Variants in TECTA observed in about 807,000 individuals in gnomAD.
The protein encoded by TECTA is alpha-tectorin.
In TECTA, 128 loss-of-function variants were observed where a neutral mutation model predicts 216.8. The ratio of observed to expected loss-of-function variants is 0.59; its 90% CI spans 0.51 to 0.68. TECTA has a LOEUF of 0.68. Among genes scored for constraint, TECTA ranks in the 30% least tolerant of loss-of-function variants. TECTA has a pLI of 0.00. For synonymous variants in TECTA, 1,089 were observed against 1,117.1 expected (o/e 0.97, Z 0.50); for missense variants, 2,551 against 2,786.2 (o/e 0.92, Z 1.90).
At chr11:121,124,840 C>G (rs1045653969) in intron 7 of TECTA, among the ~76,000 whole-genome samples, 1 of 152,118 alleles carries the variant, frequency 6.6e-6, no homozygotes, top group Admixed American at 6.5e-5. Context: ...CAGCAGTGGA[C>G]CCAGCACACA....
intron 6 of TECTA, among the ~76,000 whole-genome samples, chr11:121,114,386 A>C (rs780454815): frequency 1.2e-4 from 19 of 152,202 alleles, no homozygotes; most frequent in Non-Finnish European, 2.1e-4. Flanking sequence ...GAACCCCTTT[A>C]GATGTGCAAA....
At chr11:121,121,683 G>A (rs997188771) in intron 7 of TECTA, among the ~76,000 whole-genome samples, 11 of 152,198 alleles carry the variant, frequency 7.2e-5, no homozygotes, top group Admixed American at 4.6e-4. Context: ...GGAAACTGGC[G>A]TCCTGAGGGT....
chr11:121,186,374 TA>T (rs1391982028), intron 20 of TECTA, among the ~76,000 whole-genome samples: 6 of 152,248 alleles, frequency 3.9e-5, no homozygotes, highest in Non-Finnish European at 8.8e-5. Context: ...GTTTCATTGT[TA>T]ATAGAAGATT....
At position 121,127,745 on chromosome 11, in the gene TECTA, G is replaced by C; in HGVS notation, c.1775-7G>C. On this transcript the variant is annotated splice_region_variant and splice_polypyrimidine_tract_variant and intron_variant, in intron 8 of 23. Coordinates refer to ENST00000392793, the MANE Select transcript of TECTA (RefSeq NM_005422.4). The surrounding 1 kb of genome is among the most constrained non-coding windows in gnomAD (Gnocchi z 5.0). ...TGTTATCGGCTCTCTTCCTTTCCCC[G>C]CGTCAGTGTCCACAGTGCAGTGCCC... 1 of 1,613,916 alleles carries C rather than the reference G, an allele frequency of 6.2e-7. No individual in the cohort carries two copies. Among genetic ancestry groups the C allele is most frequent in the Non-Finnish European group, 8.5e-7 (1 of 1,179,922 alleles).
intron 18 of TECTA, 116 bp from the exon 19 acceptor site, chr11:121,167,938 C>A: frequency 8.3e-7 from 1 of 1,210,840 alleles, no homozygotes; most frequent in Non-Finnish European, 1.2e-6. Context: ...TTATACTGGC[C>A]TCTAAATTAT....
chr11:121,143,544 G>T (rs1946804414), intron 11 of TECTA, among the ~76,000 whole-genome samples: 1 of 152,178 alleles, frequency 6.6e-6, no homozygotes, highest in African/African-American at 2.4e-5. Flanking sequence ...ACATGATATT[G>T]TTATCTGTCT....
At chr11:121,110,659 C>G (rs930588415) in intron 4 of TECTA, 4 of 152,152 alleles carry the variant, frequency 2.6e-5, no homozygotes, top group African/African-American at 9.7e-5. Context: ...GTCCTTTAAG[C>G]CTCATATCTT....
At chr11:121,184,521 A>T (rs911755401) in intron 20 of TECTA, among the ~76,000 whole-genome samples, 1 of 152,152 alleles carries the variant, frequency 6.6e-6, no homozygotes, top group African/African-American at 2.4e-5. Context: ...AGTGCTGTGG[A>T]TACTGTAAGT....
chr11:121,125,265 C>T (rs748164367), intron 7 of TECTA, 37 bp from the exon 8 acceptor site: 1 of 1,600,212 alleles, frequency 6.2e-7, no homozygotes, highest in Admixed American at 1.7e-5. Flanking sequence ...GCCTGGGCAC[C>T]TGCTCACCTG....
At chr11:121,187,107 A>G (rs1407309172) in intron 20 of TECTA, among the ~76,000 whole-genome samples, 1 of 152,208 alleles carries the variant, frequency 6.6e-6, no homozygotes, top group Non-Finnish European at 1.5e-5. Context: ...GGTGTTGGAG[A>G]AAGGGCAGGA....
chr11:121,110,922 T>C (rs961456910), intron 4 of TECTA, among the ~76,000 whole-genome samples: 2 of 152,170 alleles, frequency 1.3e-5, no homozygotes, highest in Admixed American at 1.3e-4. Context: ...AAAAAGATGA[T>C]GTAGTTCTCT....
intron 12 of TECTA, among the ~76,000 whole-genome samples, chr11:121,149,349 T>C (rs1487709784): frequency 1.3e-5 from 2 of 152,232 alleles, no homozygotes; most frequent in Non-Finnish European, 2.9e-5. Context: ...GGGTCCAAAG[T>C]CTGGTAACTA....
At chr11:121,174,107 T>C (rs1947140537) in intron 20 of TECTA, among the ~76,000 whole-genome samples, 1 of 152,190 alleles carries the variant, frequency 6.6e-6, no homozygotes, top group African/African-American at 2.4e-5. Flanking sequence ...CAATGGGGTT[T>C]TCTAGATATA....
intron 10 of TECTA, among the ~76,000 whole-genome samples, chr11:121,134,339 A>ACACACACACACACACG (rs1241800294): frequency 1.3e-5 from 2 of 151,674 alleles, no homozygotes; most frequent in African/African-American, 4.9e-5. Context: ...ACACACACAC[A>ACACACACACACACACG]CACACACACG....
intron 11 of TECTA, among the ~76,000 whole-genome samples, chr11:121,140,520 G>T (rs1338522255): frequency 6.6e-6 from 1 of 152,298 alleles, no homozygotes; most frequent in East Asian, 1.9e-4. Flanking sequence ...TTTATTAAGG[G>T]CTGCCATAAT....
At chr11:121,104,646 A>G (rs1427804426) in intron 2 of TECTA, among the ~76,000 whole-genome samples, 1 of 152,084 alleles carries the variant, frequency 6.6e-6, no homozygotes, top group African/African-American at 2.4e-5. Context: ...CTGTTCACCA[A>G]AAGCCTCCCA....
chr11:121,179,796 C>G (rs974931337), intron 20 of TECTA, among the ~76,000 whole-genome samples: 2 of 152,022 alleles, frequency 1.3e-5, no homozygotes, highest in Non-Finnish European at 2.9e-5. Context: ...CTTTTTACAG[C>G]CTTTGACTTA....
intron 12 of TECTA, among the ~76,000 whole-genome samples, chr11:121,146,748 G>A (rs1021446386): frequency 7.2e-5 from 11 of 152,262 alleles, no homozygotes; most frequent in Admixed American, 3.9e-4. Flanking sequence ...CCTCAGAAAC[G>A]TAAAGGGGAT....
rs776398220 is a variant in TECTA at position 121,162,337 on chromosome 11, C to G, written c.5239C>G (p.Leu1747Val). 4.3e-6 allele frequency: 7 copies of G among 1,613,646 alleles called. No homozygotes were observed. The highest frequency in any genetic ancestry group is 2.2e-5 in the East Asian group (1 of 44,892). ...GGAGGCCTGCCGCTCCTTCGGGATC[C>G]TTAGCACCGAGTGGATTGAGAAGGA... ...YGEACRSFGILSTEWIEKENC... is the reference protein window; with the variant it reads ...YGEACRSFGIVSTEWIEKENC... The change falls in exon 16 of 24, where the codon CTT (leucine) becomes GTT (valine). Residue 1747 changes from leucine (L) to valine (V), a missense_variant. By Grantham distance (32) the Leu-to-Val change is conservative (BLOSUM62 1). Transcript: ENST00000392793.
Sources: gnomAD v4.1 joint callset for allele counts (sites outside exome capture counted in the v4.1 genomes callset) on GRCh38, gnomAD v4.1.1 for gene constraint, Gnocchi (gnomAD v3.1) non-coding constraint, MANE v1.5 for transcripts, NCBI Gene and HGNC (gene_info 2026-07-23, HGNC 2026-07-21) for gene names.